Variants in XIAP observed in about 807,000 individuals in gnomAD.
XIAP encodes the protein E3 ubiquitin-protein ligase XIAP.
A neutral mutation model predicts 33.1 loss-of-function variants in XIAP; 3 were observed. The ratio of observed to expected loss-of-function variants is 0.09; its 90% CI spans 0.04 to 0.23. XIAP has a LOEUF of 0.23. Ranked by LOEUF, XIAP falls within the 10% of genes least tolerant of loss-of-function variation. XIAP has a pLI of 1.00. For missense variants in XIAP, 264 were observed against 363.0 expected (o/e 0.73, Z 2.22); for synonymous variants, 98 against 121.3 (o/e 0.81, Z 1.26).
intron 2 of XIAP, among the ~76,000 whole-genome samples, chrX:123,887,126 T>C (rs2053359608): frequency 9.0e-6 from 1 of 111,473 alleles, no homozygotes; most frequent in Non-Finnish European, 1.9e-5. Context: ...TCCCTGTTGG[T>C]CAGGCTGGTC....
intron 1 of XIAP, among the ~76,000 whole-genome samples, chrX:123,868,396 G>C (rs1199013385): frequency 9.0e-6 from 1 of 110,892 alleles, no homozygotes; most frequent in Non-Finnish European, 1.9e-5. Context: ...TAGTTTTTAA[G>C]CCTGATTATC....
In XIAP at chrX:123,900,711, T is replaced by C. The variant is rs368410375; in HGVS notation, c.1300+18T>C. ...ACAGAAAGGTATGCATTGCTGTTTT[T>C]AAAAAGCAAGAAAGGGCCAGATGTG... On this transcript the variant is annotated intron_variant, in intron 6 of 6. Coordinates refer to ENST00000371199, the MANE Select transcript of XIAP (RefSeq NM_001167.4). The C allele has an allele frequency of 8.4e-7, 1 of 1,196,673 alleles. No individual in the cohort carries two copies. The highest frequency in any genetic ancestry group is 1.8e-5 in the African/African-American group (1 of 56,930).
chrX:123,886,518 A>G lies in XIAP; in HGVS notation c.856A>G (p.Arg286Gly), dbSNP rs746451415. The G allele has an allele frequency of 8.3e-7, 1 of 1,204,124 alleles. No homozygotes were observed. Among genetic ancestry groups the G allele is most frequent in the Admixed American group, 2.2e-5 (1 of 45,956 alleles). The change falls in exon 2 of 7, where the codon AGA (arginine) becomes GGA (glycine). Residue 286 changes from arginine (R) to glycine (G), a missense_variant. Transcript: ENST00000371199. ...IYSVNKEQLA[R>G]AGFYALGEGD... is the part of the protein sequence containing the mutation. ...CTCAGTTAACAAGGAGCAGCTTGCAAGAGCTGGATTTTATGCTTTAGGTAA... is the reference window on the plus strand; with the variant it reads ...CTCAGTTAACAAGGAGCAGCTTGCAGGAGCTGGATTTTATGCTTTAGGTAA...
intron 1 of XIAP, chrX:123,879,433 C>T (rs920820119): frequency 9.4e-6 from 1 of 106,556 alleles, no homozygotes; most frequent in African/African-American, 3.4e-5. Flanking sequence ...TCCCCTGCCT[C>T]AGCCTCCCGA....
chrX:123,879,770 G>A (rs989167490), intron 1 of XIAP, among the ~76,000 whole-genome samples: 1 of 111,738 alleles, frequency 8.9e-6, no homozygotes, highest in Non-Finnish European at 1.9e-5. Context: ...AATCTGGCGT[G>A]CATTCTACCT....
Position 123,860,154 on chromosome X carries a change from T to A in XIAP, c.-172T>A. On this transcript the variant is annotated 5_prime_UTR_variant, in exon 1 of 7. Transcript: ENST00000371199. Reference sequence around the variant, plus strand: ...GTGAGGGAGACGAAGGGACTTCCGTTTCCTTCACCTAGGCTGGGGCCAAGC... The same window carrying A: ...GTGAGGGAGACGAAGGGACTTCCGTATCCTTCACCTAGGCTGGGGCCAAGC... 1 of 329,611 alleles carries A rather than the reference T, an allele frequency of 3.0e-6. No homozygotes were observed. Among genetic ancestry groups the A allele is most frequent in the Non-Finnish European group, 5.9e-6 (1 of 169,912 alleles). The allele number at this position is 329,611 out of a possible 1,213,427, so 27.2% of individuals were successfully genotyped here. A position where few individuals can be genotyped will look rare whatever the true frequency, so the allele number is the denominator to read the frequency against.
Position 123,876,000 on chromosome X carries a change from T to G in XIAP, c.-32-9631T>G, listed in dbSNP as rs750392075. Among the ~76,000 whole-genome samples, 8 of 112,371 alleles carry G rather than the reference T, an allele frequency of 7.1e-5. No homozygotes were observed. The East Asian group carries it at 1.9e-3, about 27-fold the overall frequency. ...TGCACCCAGCCTTCTTATAGATTTA[T>G]AAGTGTATTCATACTACTTTTTTTG... On this transcript the variant is annotated intron_variant, in intron 1 of 6. Transcript: ENST00000371199.
At chrX:123,903,440 G>A in intron 6 of XIAP, among the ~76,000 whole-genome samples, 1 of 108,316 alleles carries the variant, frequency 9.2e-6, no homozygotes, top group Middle Eastern at 4.7e-3. Context: ...TGCCCGCCTC[G>A]GCCTCATAAA....
intron 1 of XIAP, among the ~76,000 whole-genome samples, chrX:123,870,838 C>G (rs1249797081): frequency 2.7e-5 from 3 of 111,656 alleles, no homozygotes; most frequent in Non-Finnish European, 5.6e-5. Flanking sequence ...CTAACATGAT[C>G]ATGGAATAGA....
intron 1 of XIAP, among the ~76,000 whole-genome samples, chrX:123,877,848 C>T (rs948168473): frequency 9.0e-6 from 1 of 110,527 alleles, no homozygotes; most frequent in East Asian, 2.8e-4. Flanking sequence ...GTGGCGGGCG[C>T]CTGTAGTCCC....
chrX:123,869,998 C>T (rs953047249), intron 1 of XIAP, among the ~76,000 whole-genome samples: 1 of 112,319 alleles, frequency 8.9e-6, no homozygotes, highest in Non-Finnish European at 1.9e-5. Flanking sequence ...CTCGCTCTGT[C>T]GCTCAGGCTG....
intron 3 of XIAP, among the ~76,000 whole-genome samples, chrX:123,889,897 G>A (rs2053388544): frequency 9.2e-6 from 1 of 108,231 alleles, no homozygotes; most frequent in Non-Finnish European, 1.9e-5. Flanking sequence ...TTTATGATCA[G>A]CGTGAGAGCC....
chrX:123,902,326 T>C (rs370758559), intron 6 of XIAP, among the ~76,000 whole-genome samples: 7 of 110,925 alleles, frequency 6.3e-5, no homozygotes, highest in African/African-American at 1.6e-4. Context: ...TGGAATTCAT[T>C]TGAACTCTCC....
At position 123,900,582 on chromosome X, in the gene XIAP, A is replaced by G. The variant is rs772877205; in HGVS notation, c.1189A>G (p.Ile397Val). 10 of 1,209,545 alleles carry G rather than the reference A, an allele frequency of 8.3e-6. No homozygotes were observed. Among genetic ancestry groups the G allele is most frequent in the Middle Eastern group, 2.3e-4 (1 of 4,374 alleles). ...CATTAAGAAAATAATGGAGGAAAAA[A>G]TTCAGATATCTGGGAGCAACTATAA... ...KDIKKIMEEK[I>V]QISGSNYKSL... The change falls in exon 6 of 7, where the codon ATT (isoleucine) becomes GTT (valine). Residue 397 changes from isoleucine to valine, a missense_variant. Physicochemically the swap from Ile to Val is conservative, Grantham distance 29. Transcript: ENST00000371199.
At chrX:123,890,557 G>A (rs1001435900) in intron 3 of XIAP, among the ~76,000 whole-genome samples, 7 of 106,930 alleles carry the variant, frequency 6.5e-5, no homozygotes, top group Non-Finnish European at 1.2e-4. Context: ...TTGAGCTGGG[G>A]AGGCAGAGGT....
intron 3 of XIAP, 61 bp downstream of exon 3, chrX:123,888,779 A>G (rs1163560355): frequency 2.0e-6 from 2 of 1,013,067 alleles, no homozygotes; most frequent in Non-Finnish European, 2.8e-6. Context: ...GGAGACTTGA[A>G]TTACTTTTTA....
At chrX:123,903,720 C>T (rs761988661) in intron 6 of XIAP, among the ~76,000 whole-genome samples, 2 of 104,836 alleles carry the variant, frequency 1.9e-5, no homozygotes, top group South Asian at 4.2e-4. Flanking sequence ...TGTATGGTTC[C>T]GTAGTGTTAA....
At position 123,885,716 on chromosome X, in the gene XIAP, TA is replaced by T; in HGVS notation, c.56del (p.Lys19ArgfsTer6). 1 of 1,211,024 alleles carries T rather than the reference TA, an allele frequency of 8.3e-7. No individual in the cohort carries two copies. The highest frequency in any genetic ancestry group is 1.1e-6 in the Non-Finnish European group (1 of 895,085). On this transcript the variant is annotated frameshift_variant, in exon 2 of 7. Transcript: ENST00000371199. LOFTEE classifies it high-confidence loss of function. ...AAACTTGTGTACCTGCAGACATCAA[TA>T]AGGAAGAAGAATTTGTAGAAGAGTT... ...SKTCVPADIN[K>X]EEEFVEEFNR...
intron 1 of XIAP, among the ~76,000 whole-genome samples, chrX:123,876,591 G>A (rs1276494530): frequency 2.7e-5 from 3 of 110,842 alleles, no homozygotes; most frequent in African/African-American, 9.8e-5. Flanking sequence ...TATAGTCCCA[G>A]CTACTCAGGA....
Sources: gnomAD v4.1 joint callset for allele counts (sites outside exome capture counted in the v4.1 genomes callset) on GRCh38, gnomAD v4.1.1 for gene constraint, MANE v1.5 for transcripts, NCBI Gene and HGNC (gene_info 2026-07-23, HGNC 2026-07-21) for gene names.